The following MICOS10 variants were observed in gnomAD, a reference collection of about 807,000 sequenced individuals.
MICOS10 encodes the protein mitochondrial contact site and cristae organizing system subunit 10, also known as MICOS complex subunit MIC10.
Under a neutral mutation model 13.4 loss-of-function variants are expected in MICOS10, and 5 were observed. That is an observed-to-expected ratio of 0.37 (90% CI 0.20 to 0.78). The LOEUF (loss-of-function observed/expected upper bound fraction) is 0.78, where lower values mean the gene tolerates loss of function less well. Ranked by LOEUF, MICOS10 falls within the 30% of genes least tolerant of loss-of-function variation. MICOS10 has a pLI of 0.47. For synonymous variants in MICOS10, 35 were observed against 33.6 expected, an observed-to-expected ratio of 1.04 and a Z score of -0.15; for missense variants, 101 against 94.6, an observed-to-expected ratio of 1.07 and a Z score of -0.28.
At chr1:19,618,240 G>A (rs2094891417) in intron 1 of MICOS10, among the ~76,000 whole-genome samples, 1 of 151,498 alleles carries the variant, frequency 6.6e-6, no homozygotes, top group South Asian at 2.1e-4. Flanking sequence ...TGAGTAGCTG[G>A]GAGCACAGGC....
intron 1 of MICOS10, among the ~76,000 whole-genome samples, chr1:19,607,453 T>C (rs911398700): frequency 6.6e-6 from 1 of 152,224 alleles, no homozygotes; most frequent in Non-Finnish European, 1.5e-5. Context: ...AACACAAATA[T>C]TTACTTATAA....
chr1:19,625,667 T>C, intron 3 of MICOS10: 1 of 1,271,076 alleles, frequency 7.9e-7, no homozygotes, highest in Non-Finnish European at 1.0e-6. Context: ...TGTTCCAAAC[T>C]GAGTTGTCAG....
intron 1 of MICOS10, among the ~76,000 whole-genome samples, chr1:19,613,576 G>A (rs2094872180): frequency 6.6e-6 from 1 of 152,112 alleles, no homozygotes; most frequent in South Asian, 2.1e-4. Flanking sequence ...TGTACTTTGT[G>A]GGTCTGATTA....
intron 1 of MICOS10, chr1:19,601,166 C>G (rs2094813168): frequency 5.0e-6 from 2 of 402,362 alleles, no homozygotes; most frequent in South Asian, 2.0e-5. Flanking sequence ...AAGTAATCTT[C>G]AAGGATCTTT....
intron 1 of MICOS10, among the ~76,000 whole-genome samples, chr1:19,611,977 A>C (rs2094864303): frequency 6.6e-6 from 1 of 151,556 alleles, no homozygotes; most frequent in Non-Finnish European, 1.5e-5. Flanking sequence ...TCTCAAAAAA[A>C]AAAAAAAAGA....
At chr1:19,608,639 C>A (rs751757619) in intron 1 of MICOS10, 2 of 681,200 alleles carry the variant, frequency 2.9e-6, no homozygotes, top group East Asian at 2.5e-5. Flanking sequence ...AAAGTGAAAC[C>A]TGTAAGAGAA....
intron 3 of MICOS10, chr1:19,625,408 C>T (rs1339913719): frequency 7.8e-7 from 1 of 1,289,202 alleles, no homozygotes; most frequent in Admixed American, 2.3e-5. Context: ...CTGAAACCGT[C>T]AGCTGCCTGC....
Position 19,625,377 on chromosome 1 carries a change from C to T in MICOS10, c.223-1010C>T, listed in dbSNP as rs1457018852. On this transcript the variant is annotated intron_variant, in intron 3 of 3. Transcript: ENST00000322753. The stretch of plus-strand genomic sequence containing the variant: ...GTAGCAGTATCCTGCCACGGCCCTG[C>T]ACCTGCCATTTTAGAACCTGCTGAA... The T allele has an allele frequency of 2.3e-6, 3 of 1,288,514 alleles. No individual in the cohort carries two copies. The South Asian group carries it at 3.7e-5, about 16-fold the overall frequency. 79.8% of individuals were successfully genotyped at this position (1,288,514 alleles called of 1,614,324 possible).
chr1:19,623,645 A>G, intron 3 of MICOS10, 62 bp downstream of exon 3: 1 of 1,148,784 alleles, frequency 8.7e-7, no homozygotes, highest in East Asian at 2.3e-5. Flanking sequence ...TGAGCCCTGA[A>G]GAATTCTTTA....
At chr1:19,622,331 G>A (rs1400025673) in intron 2 of MICOS10, among the ~76,000 whole-genome samples, 184 bp downstream of exon 2, 1 of 152,196 alleles carries the variant, frequency 6.6e-6, no homozygotes, top group East Asian at 1.9e-4. Context: ...AGGTCAAAAT[G>A]GGTTGGGCAT....
At chr1:19,617,370 T>G in intron 1 of MICOS10, 1 of 898,080 alleles carries the variant, frequency 1.1e-6, no homozygotes, top group African/African-American at 1.8e-5. Flanking sequence ...CTTCTTAGTA[T>G]GTTTCCTAAA....
intron 1 of MICOS10, among the ~76,000 whole-genome samples, chr1:19,621,118 C>T (rs1009452024): frequency 1.2e-4 from 19 of 152,172 alleles, no homozygotes; most frequent in Non-Finnish European, 2.2e-4. Flanking sequence ...TGAGGCAAGT[C>T]GCCTTAAAAT....
chr1:19,629,031 G>T lies in MICOS10; in HGVS notation c.*2630G>T, dbSNP rs1187250586. 1 of 152,272 alleles carries T rather than the reference G, an allele frequency of 6.6e-6. No individual in the cohort carries two copies. Among genetic ancestry groups the T allele is most frequent in the African/African-American group, 2.4e-5 (1 of 41,464 alleles). The allele number at this position is 152,272 out of a possible 1,614,324, so 9.4% of individuals were successfully genotyped here. ...AGTTGCTTTAGTTCTAGATAGCTTT[G>T]TATTCCCGCCTTGTTGCCCTTAGCG... On this transcript the variant is annotated 3_prime_UTR_variant, in exon 4 of 4. Coordinates refer to ENST00000322753, the MANE Select transcript of MICOS10 (RefSeq NM_001032363.4).
intron 1 of MICOS10, among the ~76,000 whole-genome samples, chr1:19,606,786 A>C (rs2094836531): frequency 6.6e-6 from 1 of 152,174 alleles, no homozygotes; most frequent in South Asian, 2.1e-4. Context: ...GGACAGTAAA[A>C]GACTTAGAAG....
At chr1:19,621,440 G>A (rs541057841) in intron 1 of MICOS10, among the ~76,000 whole-genome samples, 2 of 152,250 alleles carry the variant, frequency 1.3e-5, no homozygotes, top group East Asian at 3.9e-4. Flanking sequence ...AATTGTTTAG[G>A]GGTTGAAACT....
chr1:19,629,082 C>G lies in MICOS10; in HGVS notation c.*2681C>G, dbSNP rs756606854. ...GAGGCTGGCCCAAAGCACACTTGAT[C>G]TTGTCCCCACTCCCTGCCCCCATCT... On this transcript the variant is annotated 3_prime_UTR_variant, in exon 4 of 4. Coordinates refer to ENST00000322753, the MANE Select transcript of MICOS10 (RefSeq NM_001032363.4). The G allele has an allele frequency of 1.3e-5, 2 of 152,314 alleles. No individual in the cohort carries two copies. Among genetic ancestry groups the G allele is most frequent in the African/African-American group, 2.4e-5 (1 of 41,466 alleles). 9.4% of individuals were successfully genotyped at this position (152,314 alleles called of 1,614,324 possible). A position where few individuals can be genotyped will look rare whatever the true frequency, so the allele number is the denominator to read the frequency against.
intron 1 of MICOS10, among the ~76,000 whole-genome samples, chr1:19,610,560 G>A (rs1396204990): frequency 6.6e-6 from 1 of 151,026 alleles, no homozygotes; most frequent in East Asian, 1.9e-4. Context: ...TGATCTTAAC[G>A]GATACTGAGA....
intron 1 of MICOS10, among the ~76,000 whole-genome samples, chr1:19,597,675 G>T (rs1399569632): frequency 6.6e-6 from 1 of 152,192 alleles, no homozygotes; most frequent in Non-Finnish European, 1.5e-5. Context: ...AATTGCGCTG[G>T]AAAGTAAGAA....
Position 19,599,776 on chromosome 1 carries a change from A to G in MICOS10, c.64+2667A>G, listed in dbSNP as rs76851687. 3.8e-3 allele frequency among the ~76,000 whole-genome samples: 572 copies of G among 152,346 alleles called. 6 individuals carry two copies. Among genetic ancestry groups the G allele is most frequent in the African/African-American group, 0.012 (519 of 41,588 alleles). On this transcript the variant is annotated intron_variant, in intron 1 of 3. Coordinates refer to ENST00000322753, the MANE Select transcript of MICOS10 (RefSeq NM_001032363.4). The stretch of plus-strand genomic sequence containing the variant: ...ATTAGAACCCAGGCATCCTAATTTC[A>G]GTGCAGAGAGGCTGGTTTAGGTGGA...
Sources: gnomAD v4.1 joint callset for allele counts (sites outside exome capture counted in the v4.1 genomes callset) on GRCh38, gnomAD v4.1.1 for gene constraint, MANE v1.5 for transcripts, NCBI Gene and HGNC (gene_info 2026-07-23, HGNC 2026-07-21) for gene names.